MAP2: variants seen among roughly 807,000 people sequenced by gnomAD.
MAP2 encodes the protein microtubule-associated protein 2.
Under a neutral mutation model 137.6 loss-of-function variants are expected in MAP2, and 14 were observed. That is an observed-to-expected ratio of 0.10 (90% CI 0.07 to 0.16). The LOEUF (loss-of-function observed/expected upper bound fraction) is 0.16. Among genes scored for constraint, MAP2 ranks in the 10% least tolerant of loss-of-function variants. The probability of loss-of-function intolerance (pLI) is 1.00; values close to 1 mark genes in which losing one functional copy is unlikely to be tolerated. For synonymous variants in MAP2, 786 were observed against 782.3 expected (o/e 1.00, Z -0.08); for missense variants, 2,088 against 2,191.5 (o/e 0.95, Z 0.94).
chr2:209,659,307 A>G (rs1003068695), intron 5 of MAP2, among the ~76,000 whole-genome samples: 12 of 151,724 alleles, frequency 7.9e-5, no homozygotes, highest in African/African-American at 2.9e-4. Flanking sequence ...TTTGTTCTTT[A>G]TTAGAAAATC....
At chr2:209,606,436 A>G (rs1580317192) in intron 3 of MAP2, among the ~76,000 whole-genome samples, 2 of 152,226 alleles carry the variant, frequency 1.3e-5, no homozygotes, top group South Asian at 4.2e-4. Context: ...CTGAGGTGGG[A>G]AGATAGCTTG....
chr2:209,565,170 C>T (rs1476677563), intron 2 of MAP2, among the ~76,000 whole-genome samples: 3 of 152,092 alleles, frequency 2.0e-5, no homozygotes, highest in Admixed American at 6.6e-5. Context: ...TTTAAGCTGC[C>T]TGGATAACAT....
chr2:209,504,728 C>G (rs973235396), intron 1 of MAP2, among the ~76,000 whole-genome samples: 5 of 152,006 alleles, frequency 3.3e-5, no homozygotes. Flanking sequence ...TAAGTACATT[C>G]GCGTTGCTGT....
intron 3 of MAP2, among the ~76,000 whole-genome samples, chr2:209,609,582 A>T (rs1055785685): frequency 6.6e-6 from 1 of 152,148 alleles, no homozygotes; most frequent in African/African-American, 2.4e-5. Context: ...TAAGTAATAC[A>T]ATAGGTGGTC....
intron 3 of MAP2, among the ~76,000 whole-genome samples, chr2:209,598,236 A>T (rs1473067727): frequency 6.6e-6 from 1 of 151,610 alleles, no homozygotes; most frequent in Non-Finnish European, 1.5e-5. Flanking sequence ...CGAACTCCTG[A>T]TCTTGTGATC....
intron 1 of MAP2, among the ~76,000 whole-genome samples, chr2:209,462,988 C>T (rs1703209398): frequency 6.6e-6 from 1 of 151,258 alleles, no homozygotes; most frequent in African/African-American, 2.5e-5. Context: ...ATAATGCACA[C>T]ACACACACAC....
chr2:209,499,156 T>A (rs11686346), intron 1 of MAP2, among the ~76,000 whole-genome samples: 125,098 of 152,104 alleles, frequency 0.82, 52,580 homozygotes, highest in Non-Finnish European at 0.93. Flanking sequence ...CAGCCAGGCC[T>A]CCTCTTGAAT....
At chr2:209,547,084 C>A (rs983670234) in intron 2 of MAP2, among the ~76,000 whole-genome samples, 1 of 152,018 alleles carries the variant, frequency 6.6e-6, no homozygotes, top group Non-Finnish European at 1.5e-5. Flanking sequence ...TATATATATA[C>A]CCTAAATTTT....
intron 1 of MAP2, among the ~76,000 whole-genome samples, chr2:209,454,264 C>T (rs1234462769): frequency 6.6e-6 from 1 of 151,184 alleles, no homozygotes; most frequent in Admixed American, 6.6e-5. Context: ...AATCATTCTT[C>T]TTTCTGGTGT....
chr2:209,634,656 A>G (rs2093402472), intron 4 of MAP2, among the ~76,000 whole-genome samples: 1 of 152,164 alleles, frequency 6.6e-6, no homozygotes, highest in South Asian at 2.1e-4. Context: ...AAAATCAAAA[A>G]AGATTTTGGT....
chr2:209,508,584 CCACACACACACACA>C (rs56195417), intron 2 of MAP2, among the ~76,000 whole-genome samples: 1 of 145,906 alleles, frequency 6.9e-6, no homozygotes, highest in African/African-American at 2.6e-5. Context: ...TCTCTCTGTC[CCACACACACACACA>C]CACACACACA....
At chr2:209,627,652 T>C (rs1405675847) in intron 4 of MAP2, among the ~76,000 whole-genome samples, 2 of 152,270 alleles carry the variant, frequency 1.3e-5, no homozygotes, top group East Asian at 3.9e-4. Context: ...TTGTCACATA[T>C]ATAGAAATTT....
chr2:209,720,282 A>G (rs573558750), intron 13 of MAP2, among the ~76,000 whole-genome samples: 3 of 151,380 alleles, frequency 2.0e-5, no homozygotes, highest in Non-Finnish European at 2.9e-5. Flanking sequence ...AATTATGTAG[A>G]AAAAAAGATT....
At chr2:209,512,894 G>A (rs952244373) in intron 2 of MAP2, among the ~76,000 whole-genome samples, 1 of 152,060 alleles carries the variant, frequency 6.6e-6, no homozygotes, top group African/African-American at 2.4e-5. Context: ...TGACCCTCCT[G>A]CCTTGGCTTT....
chr2:209,591,680 A>T (rs1488371800), intron 3 of MAP2, among the ~76,000 whole-genome samples: 1 of 152,172 alleles, frequency 6.6e-6, no homozygotes, highest in East Asian at 1.9e-4. Context: ...TCCCAGTGAA[A>T]ACCATTTTGA....
intron 5 of MAP2, among the ~76,000 whole-genome samples, chr2:209,664,153 G>A (rs2045093764): frequency 6.6e-6 from 1 of 152,116 alleles, no homozygotes; most frequent in African/African-American, 2.4e-5. Context: ...AATGCTTTGG[G>A]GTAGAACCTG....
intron 2 of MAP2, among the ~76,000 whole-genome samples, chr2:209,539,840 A>G (rs1046417490): frequency 3.3e-5 from 5 of 151,404 alleles, no homozygotes; most frequent in Non-Finnish European, 7.4e-5. Flanking sequence ...GCTCGTGCCT[A>G]TAATCCCAGC....
rs775907597 is a variant in MAP2 at position 209,678,597 on chromosome 2, A to G, written c.288A>G (p.Gln96=). The change falls in exon 6 of 16, where the codon CAA becomes CAG. Residue 96 remains glutamine (Q), a synonymous_variant. Transcript: ENST00000682079. The part of the protein sequence containing the change: ...TAEEVSARIV[Q]VVTAEAVAVL... ...AGGAGGTGTCTGCAAGGATAGTTCAAGTAGTCACTGCTGAGGCTGTAGCAG... is the reference window on the plus strand; with the variant it reads ...AGGAGGTGTCTGCAAGGATAGTTCAGGTAGTCACTGCTGAGGCTGTAGCAG... 2 of 1,598,716 alleles carry G rather than the reference A, an allele frequency of 1.3e-6. No homozygotes were observed. The highest frequency in any genetic ancestry group is 1.7e-6 in the Non-Finnish European group (2 of 1,172,166).
chr2:209,550,212 C>T (rs2068889710), intron 2 of MAP2, among the ~76,000 whole-genome samples: 1 of 152,116 alleles, frequency 6.6e-6, no homozygotes, highest in Admixed American at 6.5e-5. Context: ...TTAAAAACAA[C>T]ATCCTGGCCT....
Sources: allele counts gnomAD v4.1 joint callset (sites outside exome capture counted in the v4.1 genomes callset), GRCh38; gene constraint gnomAD v4.1.1; transcripts MANE v1.5; gene names NCBI Gene and HGNC (gene_info 2026-07-23, HGNC 2026-07-21).